PHACTR2: variants seen among roughly 807,000 people sequenced by gnomAD.
The protein encoded by PHACTR2 is phosphatase and actin regulator 2.
In PHACTR2, 30 loss-of-function variants were observed where a neutral mutation model predicts 76.0. The ratio of observed to expected loss-of-function variants is 0.39; its 90% CI spans 0.30 to 0.54. The LOEUF (loss-of-function observed/expected upper bound fraction) is 0.54. Among genes scored for constraint, PHACTR2 ranks in the 20% least tolerant of loss-of-function variants. PHACTR2 has a pLI of 0.61. For synonymous variants in PHACTR2, 292 were observed against 292.5 expected (o/e 1.00, Z 0.02); for missense variants, 696 against 781.1 (o/e 0.89, Z 1.30).
rs553965070 is a variant in PHACTR2, at chr6:143,648,078, G to T, written c.13+39756G>T. On this transcript the variant is annotated intron_variant, in intron 1 of 11. Coordinates refer to the PHACTR2 transcript ENST00000305766. The surrounding 1 kb of genome is among the most constrained non-coding windows in gnomAD (Gnocchi z 6.7). The stretch of plus-strand genomic sequence containing the variant: ...AGCCACAACAGTTGGGAACTGGTGG[G>T]TGATGACATTTGGGGTCTGTTTTGA... Among the ~76,000 whole-genome samples, 3 of 152,288 alleles carry T rather than the reference G, an allele frequency of 2.0e-5. No homozygotes were observed. The highest frequency in any genetic ancestry group is 7.2e-5 in the African/African-American group (3 of 41,556).
chr6:143,771,213 T>C (rs1479923995), intron 6 of PHACTR2, among the ~76,000 whole-genome samples: 5 of 98,144 alleles, frequency 5.1e-5, no homozygotes, highest in South Asian at 3.2e-4. Flanking sequence ...TATATATATA[T>C]ATATATATAT....
At position 143,826,100 on chromosome 6, in the gene PHACTR2, A is replaced by G. The variant is rs1165612052; in HGVS notation, c.*2411A>G. The G allele has an allele frequency of 2.0e-5, 3 of 152,332 alleles. No individual in the cohort carries two copies. The East Asian group carries it at 5.8e-4, about 29-fold the overall frequency. 9.4% of individuals were successfully genotyped at this position (152,332 alleles called of 1,614,324 possible). ...CCACTGCTAGTCTACTGTTTAGGTAATCGGAATCACCAATTATTTTATTAG... is the reference window on the plus strand; with the variant it reads ...CCACTGCTAGTCTACTGTTTAGGTAGTCGGAATCACCAATTATTTTATTAG... On this transcript the variant is annotated 3_prime_UTR_variant, in exon 13 of 13. Transcript: ENST00000440869.
chr6:143,638,012 G>A (rs983583420), intron 1 of PHACTR2, among the ~76,000 whole-genome samples: 1 of 152,142 alleles, frequency 6.6e-6, no homozygotes, highest in Non-Finnish European at 1.5e-5. Context: ...CCACCACAAA[G>A]CTTTCATGTC....
intron 10 of PHACTR2, among the ~76,000 whole-genome samples, chr6:143,785,907 C>G (rs1775546288): frequency 6.6e-6 from 1 of 152,232 alleles, no homozygotes; most frequent in African/African-American, 2.4e-5. Flanking sequence ...CACAAAACCA[C>G]TTTTTCCTCC....
chr6:143,550,047 T>A lies in PHACTR2; in HGVS notation c.217+12840T>A, dbSNP rs1775072022. 1.3e-5 allele frequency among the ~76,000 whole-genome samples: 2 copies of A among 152,044 alleles called. No homozygotes were observed. The highest frequency in any genetic ancestry group is 4.8e-5 in the African/African-American group (2 of 41,426). On this transcript the variant is annotated intron_variant, in intron 1 of 11. Transcript: ENST00000367584. The surrounding 1 kb of genome is among the most constrained non-coding windows in gnomAD (Gnocchi z 4.8). ...GGTGGGAGTTGGAGTGATATCCCAA[T>A]GCATCAGTGGACTACTCAAATCAAA... is the stretch of plus-strand genomic sequence containing the variant.
rs1254222703 is a variant in PHACTR2, at chr6:143,754,618, C to T, written c.454+706C>T. On this transcript the variant is annotated intron_variant, in intron 4 of 12. Coordinates refer to ENST00000440869, the MANE Select transcript of PHACTR2 (RefSeq NM_001100164.2). The surrounding 1 kb of genome is among the most constrained non-coding windows in gnomAD (Gnocchi z 6.2). ...CTGCAAAATACATGTCTATCAGGGA[C>T]TCCCAGAACATTCACAAATTCCTAG... is the stretch of plus-strand genomic sequence containing the variant. Among the ~76,000 whole-genome samples the T allele has an allele frequency of 6.6e-6, 1 of 152,182 alleles. No individual in the cohort carries two copies. The highest frequency in any genetic ancestry group is 1.5e-5 in the Non-Finnish European group (1 of 68,028).
rs1240279695 is a variant in PHACTR2, at chr6:143,570,993, A to T, written c.217+33786A>T. The stretch of plus-strand genomic sequence containing the variant: ...TCCTATTTTTCATGAAATTTAAAAA[A>T]CTTTCTAATTTAAGATCATTTAACT... On this transcript the variant is annotated intron_variant, in intron 1 of 11. Transcript: ENST00000367584. This position sits in a 1 kb window ranked among gnomAD's most constrained non-coding sequence, Gnocchi z 4.6. Among the ~76,000 whole-genome samples, 2 of 152,190 alleles carry T rather than the reference A, an allele frequency of 1.3e-5. No individual in the cohort carries two copies. The highest frequency in any genetic ancestry group is 2.4e-5 in the African/African-American group (1 of 41,440).
Position 143,621,195 on chromosome 6 carries a change from T to C in PHACTR2, c.13+12873T>C, listed in dbSNP as rs1776146794. On this transcript the variant is annotated intron_variant, in intron 1 of 11. Coordinates refer to the PHACTR2 transcript ENST00000305766. This position sits in a 1 kb window ranked among gnomAD's most constrained non-coding sequence, Gnocchi z 4.1. The stretch of plus-strand genomic sequence containing the variant: ...GGATTGGGTAGGGAATGTGGACAGA[T>C]TATAGGGAGAGACCAAGGTAGACAC... Among the ~76,000 whole-genome samples the C allele has an allele frequency of 6.6e-6, 1 of 152,008 alleles. No homozygotes were observed. The highest frequency in any genetic ancestry group is 1.5e-5 in the Non-Finnish European group (1 of 68,002).
In PHACTR2 at chr6:143,617,062, G is replaced by C. The variant is rs1319963320; in HGVS notation, c.13+8740G>C. 2.0e-5 allele frequency among the ~76,000 whole-genome samples: 3 copies of C among 152,204 alleles called. No individual in the cohort carries two copies. The highest frequency in any genetic ancestry group is 3.2e-3 in the Middle Eastern group (1 of 316). On this transcript the variant is annotated intron_variant, in intron 1 of 11. Coordinates refer to the PHACTR2 transcript ENST00000305766. This position sits in a 1 kb window ranked among gnomAD's most constrained non-coding sequence, Gnocchi z 4.8. ...CCTTTGAAGGGTTTTACGAGACTGG[G>C]AAGAATGGACTGGAAAGAAGTAAGA...
rs2128488295 is a variant in PHACTR2, at chr6:143,826,032, T to G, written c.*2343T>G. 6.6e-6 allele frequency: 1 copy of G among 151,636 alleles called. No individual in the cohort carries two copies. Among genetic ancestry groups the G allele is most frequent in the African/African-American group, 2.4e-5 (1 of 41,276 alleles). 9.4% of individuals were successfully genotyped at this position (151,636 alleles called of 1,614,324 possible). A position where few individuals can be genotyped will look rare whatever the true frequency, so the allele number is the denominator to read the frequency against. On this transcript the variant is annotated 3_prime_UTR_variant, in exon 13 of 13. Transcript: ENST00000440869. ...ATCGATACATTTAGAAAAAATTTTC[T>G]AAGTTAGAGACAAGTTTAAAAGTAA...
In PHACTR2 at chr6:143,807,205, AG is replaced by A. The variant is rs1776085057; in HGVS notation, c.1922+73del. ...ATCCCATGTTGAGTTGGTTAAAAAA[AG>A]AAATTGCTTACAATGGTAAATTTTA... On this transcript the variant is annotated intron_variant, in intron 12 of 12. Coordinates refer to ENST00000440869, the MANE Select transcript of PHACTR2 (RefSeq NM_001100164.2). This position sits in a 1 kb window ranked among gnomAD's most constrained non-coding sequence, Gnocchi z 5.5. 1.2e-6 allele frequency: 1 copy of A among 855,544 alleles called. No homozygotes were observed. The highest frequency in any genetic ancestry group is 1.5e-5 in the South Asian group (1 of 66,188). 53.0% of individuals were successfully genotyped at this position (855,544 alleles called of 1,614,324 possible). A position where few individuals can be genotyped will look rare whatever the true frequency, so the allele number is the denominator to read the frequency against.
rs74566705 is a variant in PHACTR2, at chr6:143,723,857, T to G, written c.214+11674T>G. ...TCCTATTAACTCTTGACAGGACATC[T>G]TGGTTTTGTCAAGAGGTTGATCTCT... On this transcript the variant is annotated intron_variant, in intron 2 of 12. Coordinates refer to ENST00000440869, the MANE Select transcript of PHACTR2 (RefSeq NM_001100164.2). Among the ~76,000 whole-genome samples the G allele has an allele frequency of 8.8e-3, 1,343 of 152,332 alleles. 27 individuals are homozygous for G. Among genetic ancestry groups the G allele is most frequent in the African/African-American group, 0.031 (1,272 of 41,576 alleles).
At chr6:143,748,828 G>A (rs1267170724) in intron 2 of PHACTR2, 157 bp from the exon 3 acceptor site, 1 of 522,896 alleles carries the variant, frequency 1.9e-6, no homozygotes, top group African/African-American at 2.2e-5. Context: ...TAGCTGTGTT[G>A]ATTCCACTCA....
rs565704233 is a variant in PHACTR2 at position 143,647,617 on chromosome 6, T to C, written c.13+39295T>C. On this transcript the variant is annotated intron_variant, in intron 1 of 11. Coordinates refer to the PHACTR2 transcript ENST00000305766. The surrounding 1 kb of genome is among the most constrained non-coding windows in gnomAD (Gnocchi z 4.2). ...AATAGAGAGACAGAGAATCATGGGG[T>C]TTTGACTTTACGCGGGAGTCAGGGA... 2.6e-5 allele frequency among the ~76,000 whole-genome samples: 4 copies of C among 152,032 alleles called. No individual in the cohort carries two copies. Among genetic ancestry groups the C allele is most frequent in the African/African-American group, 4.8e-5 (2 of 41,474 alleles).
rs1183034236 is a variant in PHACTR2 at position 143,654,979 on chromosome 6, G to A, written c.13+46657G>A. Among the ~76,000 whole-genome samples the A allele has an allele frequency of 3.9e-5, 6 of 152,020 alleles. No homozygotes were observed. The highest frequency in any genetic ancestry group is 3.9e-4 in the Admixed American group (6 of 15,258). On this transcript the variant is annotated intron_variant, in intron 1 of 11. Coordinates refer to the PHACTR2 transcript ENST00000305766. The surrounding 1 kb of genome is among the most constrained non-coding windows in gnomAD (Gnocchi z 4.6). ...TCAAGACCAGCCTGGCCAACATGGAGAAACCCCATCTCTACTAAAAATAAA... is the reference window on the plus strand; with the variant it reads ...TCAAGACCAGCCTGGCCAACATGGAAAAACCCCATCTCTACTAAAAATAAA...
chr6:143,596,179 G>A lies in PHACTR2; in HGVS notation c.217+58972G>A, dbSNP rs1253949271. 6.6e-6 allele frequency among the ~76,000 whole-genome samples: 1 copy of A among 152,124 alleles called. No homozygotes were observed. Among genetic ancestry groups the A allele is most frequent in the African/African-American group, 2.4e-5 (1 of 41,420 alleles). On this transcript the variant is annotated intron_variant, in intron 1 of 11. Transcript: ENST00000367584. This position sits in a 1 kb window ranked among gnomAD's most constrained non-coding sequence, Gnocchi z 4.6. The stretch of plus-strand genomic sequence containing the variant: ...ATGTTAATTGAATCTTGATCCTCAG[G>A]CCTGCAAAACTGGCCATGAAAAATA...
Position 143,578,677 on chromosome 6 carries a change from A to G in PHACTR2, c.217+41470A>G, listed in dbSNP as rs557817999. On this transcript the variant is annotated intron_variant, in intron 1 of 11. Transcript: ENST00000367584. The surrounding 1 kb of genome is among the most constrained non-coding windows in gnomAD (Gnocchi z 4.5). ...GAGGAGGAGGAGGAAGGAGAAGAGGAGGACATGAGTGCAGAAGAGGAGGAT... is the reference window on the plus strand; with the variant it reads ...GAGGAGGAGGAGGAAGGAGAAGAGGGGGACATGAGTGCAGAAGAGGAGGAT... Among the ~76,000 whole-genome samples, 3 of 152,168 alleles carry G rather than the reference A, an allele frequency of 2.0e-5. No homozygotes were observed. Among genetic ancestry groups the G allele is most frequent in the Admixed American group, 2.0e-4 (3 of 15,278 alleles).
intron 4 of PHACTR2, among the ~76,000 whole-genome samples, chr6:143,756,918 G>A (rs1001993102): frequency 6.6e-6 from 1 of 152,078 alleles, no homozygotes; most frequent in African/African-American, 2.4e-5. Context: ...GTGGTGGTGG[G>A]CACCTGTAAT....
rs2066366 is a variant in PHACTR2 at position 143,742,392 on chromosome 6, A to G, written c.215-6593A>G. On this transcript the variant is annotated intron_variant, in intron 2 of 12. Coordinates refer to ENST00000440869, the MANE Select transcript of PHACTR2 (RefSeq NM_001100164.2). This position sits in a 1 kb window ranked among gnomAD's most constrained non-coding sequence, Gnocchi z 4.5. ...CTCCTCTTGCGGAGGCAAGGTGGCC[A>G]CTAGCCACTCTTGCTCATATTTGTC... is the stretch of plus-strand genomic sequence containing the variant. Among the ~76,000 whole-genome samples the G allele has an allele frequency of 0.53, 81,149 of 152,110 alleles. 21,939 individuals carry two copies. The highest frequency in any genetic ancestry group is 0.63 in the African/African-American group (25,961 of 41,476).
Sources: allele counts gnomAD v4.1 joint callset (sites outside exome capture counted in the v4.1 genomes callset), GRCh38; gene constraint gnomAD v4.1.1; non-coding constraint Gnocchi (gnomAD v3.1); transcripts MANE v1.5; gene names NCBI Gene and HGNC (gene_info 2026-07-23, HGNC 2026-07-21).